Variants in MEIG1 observed in about 807,000 individuals in gnomAD.
The protein encoded by MEIG1 is meiosis/spermiogenesis associated 1, also known as meiosis expressed gene 1 protein homolog.
A neutral mutation model predicts 11.3 loss-of-function variants in MEIG1; 12 were observed. The ratio of observed to expected loss-of-function variants is 1.07; its 90% confidence interval spans 0.68 to 1.73. MEIG1 has a LOEUF of 1.73. MEIG1 is among the 40% of genes most tolerant of loss of function. MEIG1 has a pLI of 0.00. For missense variants in MEIG1, 119 were observed against 104.9 expected (o/e 1.13, Z -0.59); for synonymous variants, 41 against 33.2 (o/e 1.24, Z -0.81).
At chr10:14,980,659 G>T (rs1409239879) in intron 1 of MEIG1, among the ~76,000 whole-genome samples, 1 of 152,118 alleles carries the variant, frequency 6.6e-6, no homozygotes, top group Admixed American at 6.6e-5. Flanking sequence ...ACCTACTGGA[G>T]CAAAGCGCAG....
intron 1 of MEIG1, among the ~76,000 whole-genome samples, chr10:14,964,890 T>C (rs7099419): frequency 0.64 from 96,878 of 151,114 alleles, 31,357 homozygotes; most frequent in Admixed American, 0.69. Flanking sequence ...CAGGTTCAAG[T>C]GATTGTCATG....
At chr10:14,983,296 A>G (rs1273373451) in intron 1 of MEIG1, among the ~76,000 whole-genome samples, 2 of 152,168 alleles carry the variant, frequency 1.3e-5, no homozygotes, top group African/African-American at 2.4e-5. Flanking sequence ...TATTACTCCC[A>G]GTATCGCAGG....
At chr10:14,987,460 T>C (rs1189079649) in intron 2 of MEIG1, 2 of 716,482 alleles carry the variant, frequency 2.8e-6, no homozygotes, top group East Asian at 5.4e-5. Context: ...TTGGACACCT[T>C]GAGAAGGAAA....
In MEIG1 at chr10:14,961,638, A is replaced by T. The variant is rs1281049296; in HGVS notation, c.-30+2081A>T. ...AGGCAGCCGCCACCGCATCCGGCTA[A>T]TTTTTTTTTTTTTTTTTTTTTAGTA... is the stretch of plus-strand genomic sequence containing the variant. On this transcript the variant is annotated intron_variant, in intron 1 of 2. Transcript: ENST00000407572. Among the ~76,000 whole-genome samples, 6 of 76,616 alleles carry T rather than the reference A, an allele frequency of 7.8e-5. 1 individual carries two copies. Among genetic ancestry groups the T allele is most frequent in the Admixed American group, 5.4e-4 (3 of 5,594 alleles). 50.3% of individuals were successfully genotyped at this position (76,616 alleles called of 152,430 possible). A position where few individuals can be genotyped will look rare whatever the true frequency, so the allele number is the denominator to read the frequency against.
At chr10:14,969,672 TA>T (rs1193202495) in intron 2 of MEIG1, among the ~76,000 whole-genome samples, 3 of 151,858 alleles carry the variant, frequency 2.0e-5, no homozygotes, top group Non-Finnish European at 4.4e-5. Flanking sequence ...CTGTCTCTAC[TA>T]AAAATACACA....
upstream of MEIG1, among the ~76,000 whole-genome samples, chr10:14,955,823 C>A (rs1439527296): frequency 6.6e-6 from 1 of 152,110 alleles, no homozygotes; most frequent in Non-Finnish European, 1.5e-5. Context: ...GGAGGGGTGA[C>A]ATGGAAAGGT....
intron 2 of MEIG1, among the ~76,000 whole-genome samples, chr10:14,970,050 T>A (rs1843132017): frequency 1.3e-5 from 2 of 152,190 alleles, no homozygotes; most frequent in South Asian, 4.1e-4. Context: ...GTGTCCCCAG[T>A]GGCATTTGCA....
chr10:14,981,603 A>T (rs559862233), intron 1 of MEIG1, among the ~76,000 whole-genome samples: 3,699 of 151,868 alleles, frequency 0.024, 66 homozygotes, highest in South Asian at 0.048. Flanking sequence ...TACCCCCGAC[A>T]GTCATTCTGA....
At chr10:14,983,882 G>C (rs1028502855) in intron 1 of MEIG1, among the ~76,000 whole-genome samples, 6 of 152,028 alleles carry the variant, frequency 3.9e-5, no homozygotes, top group African/African-American at 1.5e-4. Flanking sequence ...ATCCAGGAGA[G>C]AAGAGGATGA....
At chr10:14,983,891 G>A (rs11259416) in intron 1 of MEIG1, among the ~76,000 whole-genome samples, 150 of 152,158 alleles carry the variant, frequency 9.9e-4, no homozygotes, top group South Asian at 8.3e-3. Flanking sequence ...AGAAGAGGAT[G>A]ATGTTACTTT....
chr10:14,964,054 C>T (rs1027518420), intron 1 of MEIG1, among the ~76,000 whole-genome samples: 10 of 148,748 alleles, frequency 6.7e-5, no homozygotes, highest in African/African-American at 1.0e-4. Context: ...GCCGAGATCG[C>T]GCCTCTGCAC....
intron 1 of MEIG1, among the ~76,000 whole-genome samples, chr10:14,960,794 A>T (rs1173389296): frequency 6.6e-6 from 1 of 152,002 alleles, no homozygotes; most frequent in Non-Finnish European, 1.5e-5. Flanking sequence ...TGGGAGGCTG[A>T]GGCAGGCGGA....
At chr10:14,970,679 T>C (rs979807931) in intron 2 of MEIG1, 1 of 152,126 alleles carries the variant, frequency 6.6e-6, no homozygotes, top group Non-Finnish European at 1.5e-5. Context: ...CATAAGTAAA[T>C]GAGATGACAC....
intron 1 of MEIG1, among the ~76,000 whole-genome samples, chr10:14,980,095 G>C (rs1843248979): frequency 6.6e-6 from 1 of 151,906 alleles, no homozygotes; most frequent in African/African-American, 2.4e-5. Context: ...TGTTACTAGT[G>C]TCACCATGCC....
chr10:14,981,864 G>A (rs1458087898), intron 1 of MEIG1, among the ~76,000 whole-genome samples: 2 of 152,182 alleles, frequency 1.3e-5, no homozygotes, highest in Non-Finnish European at 2.9e-5. Context: ...TCTTTGGGGG[G>A]ACCCCTCTGA....
At chr10:14,958,298 T>A (rs149825021), upstream of MEIG1, among the ~76,000 whole-genome samples, 1,003 of 152,340 alleles carry the variant, frequency 6.6e-3, 16 homozygotes, top group African/African-American at 0.023. Context: ...GAGTTGTAAG[T>A]AAATAGTTTT....
chr10:14,969,164 C>T (rs1357867163), intron 2 of MEIG1, among the ~76,000 whole-genome samples: 2 of 152,166 alleles, frequency 1.3e-5, no homozygotes, highest in African/African-American at 2.4e-5. Flanking sequence ...GACTCATAGG[C>T]GGCCAGCTGT....
upstream of MEIG1, among the ~76,000 whole-genome samples, chr10:14,955,053 T>C (rs2131247540): frequency 6.6e-6 from 1 of 152,326 alleles, no homozygotes. Flanking sequence ...TGCCTCAGCC[T>C]CCAGAGTAGC....
intron 1 of MEIG1, among the ~76,000 whole-genome samples, chr10:14,965,920 G>T (rs1308455734): frequency 2.6e-5 from 4 of 151,724 alleles, no homozygotes; most frequent in African/African-American, 9.7e-5. Flanking sequence ...GGGACTTGGG[G>T]TTTTTTTTGT....
Sources: allele counts gnomAD v4.1 joint callset (sites outside exome capture counted in the v4.1 genomes callset), GRCh38; gene constraint gnomAD v4.1.1; transcripts MANE v1.5; gene names NCBI Gene and HGNC (gene_info 2026-07-23, HGNC 2026-07-21).